The following XPR1 variants were observed in gnomAD, a reference collection of about 807,000 sequenced individuals.
XPR1 encodes xenotropic and polytropic retrovirus receptor 1.
A neutral mutation model predicts 87.5 loss-of-function variants in XPR1; 28 were observed. The observed-to-expected ratio is 0.32, with a 90% CI of 0.24 to 0.44. The LOEUF is 0.44. Among genes scored for constraint, XPR1 ranks in the 20% least tolerant of loss-of-function variants. The pLI, the probability that XPR1 is intolerant of heterozygous loss-of-function variation, is 1.00. For missense variants in XPR1, 559 were observed against 862.3 expected (o/e 0.65, Z 4.41); for synonymous variants, 300 against 306.1 (o/e 0.98, Z 0.21).
chr1:180,658,104 C>G (rs1655601031), intron 1 of XPR1, among the ~76,000 whole-genome samples: 1 of 152,120 alleles, frequency 6.6e-6, no homozygotes, highest in Non-Finnish European at 1.5e-5. Context: ...TGTTGACATA[C>G]AGAAATGCTA....
rs999775166 is a variant in XPR1 at position 180,884,417 on chromosome 1, G to A, written c.*351G>A. ...CATTGCAAGGACCCTCTGATGGGAC[G>A]GTACTGAGATATCTCGGCTTCCGCT... On this transcript the variant is annotated 3_prime_UTR_variant, in exon 15 of 15. Transcript: ENST00000367590. 6.0e-5 allele frequency: 10 copies of A among 167,464 alleles called. No individual in the cohort carries two copies. The highest frequency in any genetic ancestry group is 4.4e-4 in the Admixed American group (7 of 15,780). The allele number at this position is 167,464 out of a possible 1,614,324, so 10.4% of individuals were successfully genotyped here.
At chr1:180,777,640 T>C (rs548697171) in intron 2 of XPR1, among the ~76,000 whole-genome samples, 12 of 152,308 alleles carry the variant, frequency 7.9e-5, no homozygotes, top group African/African-American at 2.6e-4. Flanking sequence ...TGCCATATGC[T>C]TTATATAATT....
intron 14 of XPR1, among the ~76,000 whole-genome samples, chr1:180,883,521 C>T (rs1026440426): frequency 1.3e-5 from 2 of 151,972 alleles, no homozygotes; most frequent in African/African-American, 4.8e-5. Context: ...CCAGCCTGGC[C>T]AACATGGTGA....
chr1:180,735,817 G>A (rs113776105), intron 2 of XPR1, among the ~76,000 whole-genome samples: 13 of 152,098 alleles, frequency 8.5e-5, no homozygotes, highest in East Asian at 1.9e-4. Context: ...ATTTGTTGAC[G>A]GTCTTCTAGT....
At chr1:180,741,241 G>A (rs1658911430) in intron 2 of XPR1, among the ~76,000 whole-genome samples, 1 of 152,140 alleles carries the variant, frequency 6.6e-6, no homozygotes. Context: ...TCGGCTCACT[G>A]CAACCTCTGC....
chr1:180,866,536 T>A (rs1652397136), intron 12 of XPR1, among the ~76,000 whole-genome samples: 1 of 127,660 alleles, frequency 7.8e-6, no homozygotes, highest in African/African-American at 3.0e-5. Flanking sequence ...GTTTCCACAT[T>A]GGTCATGGTG....
chr1:180,704,823 T>G (rs928062477), intron 2 of XPR1, among the ~76,000 whole-genome samples: 2 of 142,822 alleles, frequency 1.4e-5, no homozygotes, highest in African/African-American at 2.6e-5. Flanking sequence ...TGTTTTTTTT[T>G]TTTTTTTTTT....
chr1:180,880,422 A>T, intron 14 of XPR1, 125 bp downstream of exon 14: 1 of 1,005,378 alleles, frequency 9.9e-7, no homozygotes, highest in Non-Finnish European at 1.5e-6. Flanking sequence ...TTTTTCACCT[A>T]CAAAAAAACA....
At chr1:180,766,107 C>T (rs980657671) in intron 2 of XPR1, among the ~76,000 whole-genome samples, 2 of 152,080 alleles carry the variant, frequency 1.3e-5, no homozygotes, top group Admixed American at 1.3e-4. Flanking sequence ...ATCATTCCCT[C>T]CTGCCTCCCA....
intron 1 of XPR1, among the ~76,000 whole-genome samples, chr1:180,677,075 C>T (rs1366996726): frequency 2.6e-5 from 4 of 152,088 alleles, no homozygotes; most frequent in African/African-American, 9.7e-5. Context: ...CAATTGAGTT[C>T]AATTCTGACA....
intron 2 of XPR1, among the ~76,000 whole-genome samples, chr1:180,728,640 A>G (rs1658443468): frequency 6.6e-6 from 1 of 152,222 alleles, no homozygotes; most frequent in African/African-American, 2.4e-5. Context: ...TTAGAGTTTG[A>G]GAAGCATTGC....
At chr1:180,877,841 A>G (rs1039974060) in intron 13 of XPR1, 4 of 152,254 alleles carry the variant, frequency 2.6e-5, no homozygotes, top group African/African-American at 9.6e-5. Context: ...AATGTGCTGA[A>G]AGAAAATAAC....
intron 2 of XPR1, among the ~76,000 whole-genome samples, chr1:180,722,386 G>A (rs1485133048): frequency 6.6e-6 from 1 of 152,088 alleles, no homozygotes; most frequent in Non-Finnish European, 1.5e-5. Flanking sequence ...GAGCCACCGC[G>A]CCCGGCCCTT....
chr1:180,787,760 T>A lies in XPR1; in HGVS notation c.129T>A (p.Asp43Glu), dbSNP rs1415682547. The change falls in exon 3 of 15, where the codon GAT becomes GAA. Residue 43 changes from aspartate to glutamate, a missense_variant. Physicochemically the swap from Asp to Glu is conservative, Grantham distance 45. Transcript: ENST00000367590. ...QDQAPSVEVT[D>E]EDTVKRYFAK... The stretch of plus-strand genomic sequence containing the variant: ...TGTTTTCCTGTCTTTCAGTTACAGA[T>A]GAGGACACAGTAAAGAGGTATTTTG... 6.2e-7 allele frequency: 1 copy of A among 1,605,392 alleles called. No homozygotes were observed. The highest frequency in any genetic ancestry group is 2.2e-5 in the East Asian group (1 of 44,742).
intron 2 of XPR1, among the ~76,000 whole-genome samples, chr1:180,704,245 GATATAT>G (rs35751561): frequency 0.03 from 1,992 of 66,034 alleles, 82 homozygotes; most frequent in African/African-American, 0.097. Flanking sequence ...ATAGGTGCTG[GATATAT>G]ATATATATAT....
intron 1 of XPR1, among the ~76,000 whole-genome samples, chr1:180,645,886 C>T (rs1300958281): frequency 1.3e-5 from 2 of 152,214 alleles, no homozygotes; most frequent in Non-Finnish European, 2.9e-5. Flanking sequence ...GTCATGGCAG[C>T]TGCTCTGTCC....
intron 2 of XPR1, among the ~76,000 whole-genome samples, chr1:180,753,536 A>G (rs1465560259): frequency 6.6e-6 from 1 of 152,012 alleles, no homozygotes; most frequent in African/African-American, 2.4e-5. Context: ...CTTGGGCAAC[A>G]GAGTCAGACC....
intron 11 of XPR1, among the ~76,000 whole-genome samples, chr1:180,845,818 C>A (rs914300256): frequency 2.6e-5 from 4 of 152,102 alleles, no homozygotes; most frequent in Non-Finnish European, 5.9e-5. Flanking sequence ...GGCCAAAATA[C>A]GAAAATAATT....
At chr1:180,866,190 C>T (rs536346039) in intron 12 of XPR1, among the ~76,000 whole-genome samples, 1 of 151,134 alleles carries the variant, frequency 6.6e-6, no homozygotes, top group South Asian at 2.1e-4. Context: ...CCAGCCTGGG[C>T]GATGGAGCAA....
Sources: gnomAD v4.1 joint callset for allele counts (sites outside exome capture counted in the v4.1 genomes callset) on GRCh38, gnomAD v4.1.1 for gene constraint, MANE v1.5 for transcripts, NCBI Gene and HGNC (gene_info 2026-07-23, HGNC 2026-07-21) for gene names.